The following PDE1C variants were observed in gnomAD, a reference collection of about 807,000 sequenced individuals.
PDE1C encodes the protein phosphodiesterase 1C.
A neutral mutation model predicts 93.1 loss-of-function variants in PDE1C; 62 were observed. The observed-to-expected ratio is 0.67, with a 90% CI of 0.54 to 0.82. The LOEUF is 0.82. Ranked by LOEUF, PDE1C falls within the 40% of genes least tolerant of loss-of-function variation. The pLI, the probability that PDE1C is intolerant of heterozygous loss-of-function variation, is 0.00. For synonymous variants in PDE1C, 325 were observed against 310.1 expected (o/e 1.05, Z -0.50); for missense variants, 742 against 884.6 (o/e 0.84, Z 2.04).
chr7:31,914,737 T>C (rs960717560), intron 2 of PDE1C, among the ~76,000 whole-genome samples: 1 of 152,210 alleles, frequency 6.6e-6, no homozygotes. Context: ...ATGATTATCT[T>C]GAATTTTTTC....
chr7:31,676,766 CT>C, the PDE1C span, among the ~76,000 whole-genome samples: 2 of 151,842 alleles, frequency 1.3e-5, no homozygotes, highest in Admixed American at 1.3e-4. Context: ...AAAATTGTTT[CT>C]ATGAATAAAA....
intron 1 of PDE1C, among the ~76,000 whole-genome samples, chr7:32,062,442 G>T (rs1445481072): frequency 6.6e-6 from 1 of 152,144 alleles, no homozygotes; most frequent in Non-Finnish European, 1.5e-5. Context: ...TTCTCAGAGG[G>T]GCCATGCTCC....
upstream of PDE1C, among the ~76,000 whole-genome samples, chr7:32,076,183 G>C (rs1796343158): frequency 6.6e-6 from 1 of 152,156 alleles, no homozygotes; most frequent in African/African-American, 2.4e-5. Context: ...TTGGTCCAGG[G>C]GGTGATATGT....
the PDE1C span, among the ~76,000 whole-genome samples, chr7:31,637,401 G>T: frequency 4.6e-5 from 7 of 152,058 alleles, no homozygotes; most frequent in Non-Finnish European, 8.8e-5. Context: ...AGCACCTGTT[G>T]TTTCCTGACT....
At chr7:32,131,317 A>T (rs550273907) in intron 3 of PDE1C, among the ~76,000 whole-genome samples, 28 of 152,266 alleles carry the variant, frequency 1.8e-4, no homozygotes, top group African/African-American at 5.1e-4. Flanking sequence ...TGATTCTACT[A>T]GTCTGAAAAC....
chr7:31,778,566 C>A (rs965051442), intron 16 of PDE1C, among the ~76,000 whole-genome samples: 1 of 152,030 alleles, frequency 6.6e-6, no homozygotes, highest in African/African-American at 2.4e-5. Context: ...CAGATGGTGA[C>A]AAATATCCTC....
chr7:31,673,495 T>A, the PDE1C span, among the ~76,000 whole-genome samples: 1 of 152,198 alleles, frequency 6.6e-6, no homozygotes, highest in Non-Finnish European at 1.5e-5. Flanking sequence ...CTATATTTGT[T>A]ATGTACATTG....
rs1800540136 is a variant in PDE1C, at chr7:31,905,941, G to A, written c.129-25081C>T. Among the ~76,000 whole-genome samples the A allele has an allele frequency of 6.6e-5, 10 of 152,134 alleles. 1 individual carries two copies. Among genetic ancestry groups the A allele is most frequent in the Admixed American group, 6.6e-4 (10 of 15,256 alleles). Reference sequence around the variant, plus strand: ...TGGGCACTTCTTGCTGCAAGAAGGAGAATTGGGCACGTCTCCTTGCTTCTG... The same window carrying A: ...TGGGCACTTCTTGCTGCAAGAAGGAAAATTGGGCACGTCTCCTTGCTTCTG... On this transcript the variant is annotated intron_variant, in intron 2 of 17. Coordinates refer to ENST00000396191, the MANE Select transcript of PDE1C (RefSeq NM_001191057.4).
intron 3 of PDE1C, among the ~76,000 whole-genome samples, chr7:32,098,029 G>A (rs956745348): frequency 2.0e-5 from 3 of 148,818 alleles, no homozygotes; most frequent in African/African-American, 7.7e-5. Flanking sequence ...AGGAGATCGA[G>A]ACCATCCTGG....
the PDE1C span, among the ~76,000 whole-genome samples, chr7:31,684,287 A>T: frequency 6.6e-6 from 1 of 152,212 alleles, no homozygotes. Context: ...TTCCCTTTGA[A>T]CTGTGGAAAT....
intron 16 of PDE1C, among the ~76,000 whole-genome samples, chr7:31,779,135 A>T (rs1359845376): frequency 6.6e-6 from 1 of 152,172 alleles, no homozygotes; most frequent in Non-Finnish European, 1.5e-5. Flanking sequence ...TGGGTATTTC[A>T]CAGGTGGCCC....
At chr7:32,147,825 G>T (rs898662892) in intron 3 of PDE1C, among the ~76,000 whole-genome samples, 10 of 151,900 alleles carry the variant, frequency 6.6e-5, no homozygotes, top group African/African-American at 1.9e-4. Flanking sequence ...GCCTTAACTG[G>T]CTGAGACTTC....
intron 7 of PDE1C, among the ~76,000 whole-genome samples, chr7:31,859,201 A>T (rs924075410): frequency 3.3e-4 from 49 of 149,586 alleles, no homozygotes; most frequent in East Asian, 3.1e-3. Context: ...CTATATATAG[A>T]CTATATATAT....
At chr7:31,716,705 C>T in the PDE1C span, among the ~76,000 whole-genome samples, 1 of 152,092 alleles carries the variant, frequency 6.6e-6, no homozygotes, top group African/African-American at 2.4e-5. Context: ...AGTGTTAAAC[C>T]CATATGGCAT....
chr7:31,619,495 G>A, the PDE1C span, among the ~76,000 whole-genome samples: 1 of 152,088 alleles, frequency 6.6e-6, no homozygotes, highest in African/African-American at 2.4e-5. Flanking sequence ...CTGTATCATA[G>A]CATTTTGATA....
Position 32,109,538 on chromosome 7 carries a change from C to T in PDE1C, c.308+60247G>A, listed in dbSNP as rs979884492. Among the ~76,000 whole-genome samples, 16 of 152,226 alleles carry T rather than the reference C, an allele frequency of 1.1e-4. 5 individuals are homozygous for T. Among genetic ancestry groups the T allele is most frequent in the Admixed American group, 6.5e-5 (1 of 15,278 alleles). On this transcript the variant is annotated intron_variant, in intron 3 of 18. Transcript: ENST00000396193. ...TGTAGGATGTTTAGCCACATCCTGG[C>T]CTCTACCCAATAGGTGCCAGTAGTA...
chr7:32,324,868 G>A (rs1250885711), intron 1 of PDE1C, among the ~76,000 whole-genome samples: 1 of 152,136 alleles, frequency 6.6e-6, no homozygotes, highest in Non-Finnish European at 1.5e-5. Context: ...AGGATCGCTT[G>A]AACCTGGGAG....
intron 2 of PDE1C, among the ~76,000 whole-genome samples, chr7:31,902,428 C>A (rs1800101848): frequency 6.6e-6 from 1 of 151,836 alleles, no homozygotes; most frequent in Admixed American, 6.6e-5. Context: ...CTGTGCTAAG[C>A]AGCACAGGAA....
chr7:32,228,807 C>T (rs1191721470), intron 1 of PDE1C, among the ~76,000 whole-genome samples: 1 of 152,220 alleles, frequency 6.6e-6, no homozygotes, highest in Non-Finnish European at 1.5e-5. Context: ...AGGAACTCCT[C>T]ACAGCCCAAG....
Sources: allele counts gnomAD v4.1 joint callset (sites outside exome capture counted in the v4.1 genomes callset), GRCh38; gene constraint gnomAD v4.1.1; transcripts MANE v1.5; gene names NCBI Gene and HGNC (gene_info 2026-07-23, HGNC 2026-07-21).